The following MX1 variants were observed in gnomAD, a reference collection of about 807,000 sequenced individuals.
MX1 encodes the protein interferon-induced GTP-binding protein Mx1.
In MX1, 66 loss-of-function variants were observed where a neutral mutation model predicts 66.4. The observed-to-expected ratio is 0.99, with a 90% CI of 0.82 to 1.22. The LOEUF (loss-of-function observed/expected upper bound fraction) is 1.22, where lower values mean the gene tolerates loss of function less well. MX1 is among the 50% of genes most tolerant of loss of function. The probability of loss-of-function intolerance (pLI) is 0.00; values close to 1 mark genes in which losing one functional copy is unlikely to be tolerated. For missense variants in MX1, 787 were observed against 834.3 expected, an observed-to-expected ratio of 0.94 and a Z score of 0.70; for synonymous variants, 311 against 318.1, an observed-to-expected ratio of 0.98 and a Z score of 0.24.
upstream of MX1, among the ~76,000 whole-genome samples, chr21:41,424,054 T>C (rs997070086): frequency 8.5e-5 from 13 of 152,192 alleles, no homozygotes; most frequent in African/African-American, 2.7e-4. Context: ...AGCAGCAGCA[T>C]CACCCAGAGT....
chr21:41,440,825 T>C, intron 8 of MX1, 62 bp from the exon 9 acceptor site: 1 of 1,597,690 alleles, frequency 6.3e-7, no homozygotes, highest in Non-Finnish European at 8.6e-7. Context: ...AGGTCAGGAC[T>C]TGTCTCACCT....
chr21:41,435,312 G>C (rs2090329252), intron 5 of MX1, among the ~76,000 whole-genome samples: 1 of 152,156 alleles, frequency 6.6e-6, no homozygotes, highest in African/African-American at 2.4e-5. Context: ...CATTAAGTTT[G>C]AGGGAATTGT....
At chr21:41,433,117 G>A (rs1317201924) in intron 5 of MX1, among the ~76,000 whole-genome samples, 1 of 152,234 alleles carries the variant, frequency 6.6e-6, no homozygotes, top group Non-Finnish European at 1.5e-5. Context: ...TGATCTGGCA[G>A]TTCCACTTCT....
intron 11 of MX1, among the ~76,000 whole-genome samples, chr21:41,445,229 CT>C (rs2044974263): frequency 6.6e-6 from 1 of 152,166 alleles, no homozygotes; most frequent in African/African-American, 2.4e-5. Context: ...CATGAGGCTG[CT>C]GTCGCAGGAG....
chr21:41,440,308 G>A (rs1354489391), intron 8 of MX1, among the ~76,000 whole-genome samples: 1 of 152,116 alleles, frequency 6.6e-6, no homozygotes, highest in Admixed American at 6.6e-5. Context: ...ACAGAAACCT[G>A]AGCAACATAG....
rs767460811 is a variant in MX1 at position 41,452,889 on chromosome 21, A to G, written c.1758+20A>G. ...CACCAGGTACGTCTTCGCGTGGTTCAGGATGCCAGCTTCCATTCTTTCCTT... is the reference window on the plus strand; with the variant it reads ...CACCAGGTACGTCTTCGCGTGGTTCGGGATGCCAGCTTCCATTCTTTCCTT... On this transcript the variant is annotated intron_variant, in intron 16 of 16. Coordinates refer to ENST00000398598, the MANE Select transcript of MX1 (RefSeq NM_002462.5). 3.7e-6 allele frequency: 6 copies of G among 1,610,194 alleles called. No homozygotes were observed. Among genetic ancestry groups the G allele is most frequent in the Non-Finnish European group, 5.1e-6 (6 of 1,177,956 alleles).
chr21:41,444,960 G>A (rs1433501532), intron 11 of MX1, among the ~76,000 whole-genome samples: 4 of 152,146 alleles, frequency 2.6e-5, no homozygotes, highest in Non-Finnish European at 4.4e-5. Flanking sequence ...GATGTTTGCC[G>A]TGGAAGGGTG....
chr21:41,458,583 TC>T lies in MX1; in HGVS notation c.1816del (p.Gln606ArgfsTer25). ...CCTTTGATCATCCAGTTCTTCATGC[TC>T]CAGACGTACGGCCAGCAGCTTCAGA... ...HIPLIIQFFM[L>X]QTYGQQLQKA... is the part of the protein sequence containing the mutation. On this transcript the variant is annotated frameshift_variant, in exon 17 of 17. Transcript: ENST00000398598. LOFTEE classifies it low-confidence loss of function (END_TRUNC). The T allele has an allele frequency of 6.2e-7, 1 of 1,610,144 alleles. No individual in the cohort carries two copies. Among genetic ancestry groups the T allele is most frequent in the Non-Finnish European group, 8.5e-7 (1 of 1,178,322 alleles).
chr21:41,443,343 C>T (rs76684124), intron 10 of MX1: 5,477 of 153,070 alleles, frequency 0.036, 153 homozygotes, highest in South Asian at 0.088. Flanking sequence ...TTATCTTGGA[C>T]AAGATATCTT....
chr21:41,444,057 A>G (rs1468693656), intron 11 of MX1, among the ~76,000 whole-genome samples, 191 bp downstream of exon 11: 3 of 152,180 alleles, frequency 2.0e-5, no homozygotes, highest in Non-Finnish European at 2.9e-5. Context: ...GACAATGTGG[A>G]TATTCCTTTT....
At position 41,443,875 on chromosome 21, in the gene MX1, G is replaced by A. The variant is rs768385981; in HGVS notation, c.1008+9G>A. On this transcript the variant is annotated intron_variant, in intron 11 of 16. Coordinates refer to ENST00000398598, the MANE Select transcript of MX1 (RefSeq NM_002462.5). ...TCATCACACATATCTGTGTAAGCAC[G>A]GGCAGAGCTGTGGGTTCTCTAAAAA... 9.3e-6 allele frequency: 15 copies of A among 1,613,830 alleles called. No homozygotes were observed. The highest frequency in any genetic ancestry group is 1.3e-5 in the Non-Finnish European group (15 of 1,179,708).
At chr21:41,423,873 C>T (rs2090017607), upstream of MX1, among the ~76,000 whole-genome samples, 1 of 152,196 alleles carries the variant, frequency 6.6e-6, no homozygotes, top group Non-Finnish European at 1.5e-5. Context: ...GGCATTGCAC[C>T]AACTGGGAGT....
intron 13 of MX1, among the ~76,000 whole-genome samples, chr21:41,448,025 G>C (rs1285471184): frequency 1.3e-5 from 2 of 152,204 alleles, no homozygotes; most frequent in East Asian, 3.8e-4. Flanking sequence ...CACTGTGCCT[G>C]GCCTGAACCA....
chr21:41,438,689 A>G (rs1263241923), intron 7 of MX1, among the ~76,000 whole-genome samples: 1 of 152,220 alleles, frequency 6.6e-6, no homozygotes. Context: ...CCTGTAAAGT[A>G]GCGTGCATAC....
Position 41,458,238 on chromosome 21 carries a change from T to C in MX1, c.1759-290T>C, listed in dbSNP as rs369511022. On this transcript the variant is annotated intron_variant, in intron 16 of 16. Coordinates refer to ENST00000398598, the MANE Select transcript of MX1 (RefSeq NM_002462.5). ...GCAGTTTTTGCACTGTCTGCCTGCT[T>C]ACCTTTATAGAGCATATTTTGCCCT... 4.3e-4 allele frequency among the ~76,000 whole-genome samples: 65 copies of C among 152,326 alleles called. 1 individual carries two copies. Among genetic ancestry groups the C allele is most frequent in the Middle Eastern group, 3.4e-3 (1 of 294 alleles).
chr21:41,431,315 T>G (rs1419160429), intron 4 of MX1, among the ~76,000 whole-genome samples: 1 of 152,192 alleles, frequency 6.6e-6, no homozygotes, highest in Non-Finnish European at 1.5e-5. Flanking sequence ...CGTGAGCTAC[T>G]GTGCCCAGCC....
chr21:41,443,740 G>A lies in MX1; in HGVS notation c.930-48G>A, dbSNP rs375366506. 97 of 1,578,200 alleles carry A rather than the reference G, an allele frequency of 6.1e-5. No individual in the cohort carries two copies. The African/African-American group carries it at 1.0e-3, about 17-fold the overall frequency. On this transcript the variant is annotated intron_variant, in intron 10 of 16. Coordinates refer to ENST00000398598, the MANE Select transcript of MX1 (RefSeq NM_002462.5). Reference sequence around the variant, plus strand: ...CCCAACAGCAAAAAGGCAGACATGCGTGTTCTGGCTACATCAAGGTGGAAA... The same window carrying A: ...CCCAACAGCAAAAAGGCAGACATGCATGTTCTGGCTACATCAAGGTGGAAA...
chr21:41,434,899 A>G (rs1382470070), intron 5 of MX1, among the ~76,000 whole-genome samples: 1 of 152,258 alleles, frequency 6.6e-6, no homozygotes, highest in East Asian at 1.9e-4. Context: ...ATTTCCATTC[A>G]GTATCATTTT....
rs778536407 is a variant in MX1, at chr21:41,432,147, C to G, written c.77C>G (p.Ala26Gly). Residue 26 changes from alanine to glycine, a missense_variant, in exon 5 of 17, where the codon GCT becomes GGT. By Grantham distance (60) the Ala-to-Gly change is moderately conservative (BLOSUM62 0). Transcript: ENST00000398598. ...ASHPLLLNGD[A>G]TVAQKNPGSV... is the part of the protein sequence containing the mutation. ...CACCCTCTATTACTGAATGGAGATG[C>G]TACTGTGGCCCAGAAAAATCCAGGC... 7 of 1,613,974 alleles carry G rather than the reference C, an allele frequency of 4.3e-6. No individual in the cohort carries two copies. Among genetic ancestry groups the G allele is most frequent in the South Asian group, 2.2e-5 (2 of 91,090 alleles).
Sources: gnomAD v4.1 joint callset for allele counts (sites outside exome capture counted in the v4.1 genomes callset) on GRCh38, gnomAD v4.1.1 for gene constraint, MANE v1.5 for transcripts, NCBI Gene and HGNC (gene_info 2026-07-23, HGNC 2026-07-21) for gene names.